The following TLE3 variants were observed in gnomAD, a reference collection of about 807,000 sequenced individuals.
TLE3 encodes the protein TLE family member 3, transcriptional corepressor, also known as transducin-like enhancer protein 3.
A neutral mutation model predicts 93.0 loss-of-function variants in TLE3; 14 were observed. The ratio of observed to expected loss-of-function variants is 0.15; its 90% CI spans 0.10 to 0.24. The LOEUF (loss-of-function observed/expected upper bound fraction) is 0.24, where lower values mean the gene tolerates loss of function less well. Among genes scored for constraint, TLE3 ranks in the 10% least tolerant of loss-of-function variants. The pLI is 1.00. For missense variants in TLE3, 693 were observed against 1,046.6 expected (o/e 0.66, Z 4.66); for synonymous variants, 451 against 425.0 (o/e 1.06, Z -0.75).
chr15:70,057,798 G>A, intron 12 of TLE3, 140 bp from the exon 13 acceptor site: 2 of 1,058,604 alleles, frequency 1.9e-6, no homozygotes, highest in South Asian at 1.6e-5. Flanking sequence ...CACCCAAGTG[G>A]GATCCCTGCC....
At chr15:70,076,073 G>T (rs780944786) in intron 5 of TLE3, 23 bp downstream of exon 5, 2 of 1,612,060 alleles carry the variant, frequency 1.2e-6, no homozygotes, top group Non-Finnish European at 1.7e-6. Context: ...AGAAAAGGAA[G>T]AAATAATAAA....
intron 16 of TLE3, chr15:70,053,619 A>G (rs2055751613): frequency 2.6e-6 from 1 of 377,654 alleles, no homozygotes; most frequent in South Asian, 5.3e-5. Context: ...GGGGGAGGTG[A>G]AAAAGGGACC....
intron 4 of TLE3, among the ~76,000 whole-genome samples, chr15:70,084,059 T>G (rs118099720): frequency 6.6e-6 from 1 of 152,364 alleles, no homozygotes; most frequent in East Asian, 1.9e-4. Context: ...TTATATGATA[T>G]GCTCCTTCTC....
chr15:70,055,351 T>C, intron 14 of TLE3, 53 bp from the exon 15 acceptor site: 3 of 1,531,714 alleles, frequency 2.0e-6, no homozygotes, highest in Non-Finnish European at 2.6e-6. Flanking sequence ...CCCTCAGAGT[T>C]CCCATAGGCC....
Position 70,058,033 on chromosome 15 carries a change from G to A in TLE3, c.1051+126C>T. 1 of 1,448,636 alleles carries A rather than the reference G, an allele frequency of 6.9e-7. No individual in the cohort carries two copies. The allele number at this position is 1,448,636 out of a possible 1,614,324, so 89.7% of individuals were successfully genotyped here. A position where few individuals can be genotyped will look rare whatever the true frequency, so the allele number is the denominator to read the frequency against. On this transcript the variant is annotated intron_variant, in intron 12 of 19. Coordinates refer to ENST00000451782, the MANE Select transcript of TLE3 (RefSeq NM_001105192.3). The surrounding 1 kb of genome is among the most constrained non-coding windows in gnomAD (Gnocchi z 4.1). ...CTCAAATCTGACCGTGAAGTCCCCA[G>A]GGGCAGGCCCTGGGAGACACTGCCT...
chr15:70,049,691 A>G lies in TLE3; in HGVS notation c.*406T>C. 1 of 177,964 alleles carries G rather than the reference A, an allele frequency of 5.6e-6. No individual in the cohort carries two copies. The highest frequency in any genetic ancestry group is 1.2e-5 in the Non-Finnish European group (1 of 83,076). 11.0% of individuals were successfully genotyped at this position (177,964 alleles called of 1,614,324 possible). On this transcript the variant is annotated 3_prime_UTR_variant, in exon 20 of 20. Transcript: ENST00000451782. The stretch of plus-strand genomic sequence containing the variant: ...TGCACTGCACAATCGGCAAAGAGAG[A>G]CCCCCCCATCCCCCAGCACAACATT...
intron 6 of TLE3, 160 bp downstream of exon 6, chr15:70,074,373 C>G: frequency 2.4e-6 from 2 of 821,910 alleles, no homozygotes; most frequent in Non-Finnish European, 3.7e-6. Context: ...GGAAACAGCC[C>G]TACATGGGTC....
At chr15:70,071,494 C>T (rs2057157405) in intron 6 of TLE3, among the ~76,000 whole-genome samples, 1 of 152,136 alleles carries the variant, frequency 6.6e-6, no homozygotes, top group Non-Finnish European at 1.5e-5. Context: ...TACTCTAATC[C>T]TCATGATAAA....
Position 70,096,710 on chromosome 15 carries a change from A to G in TLE3, c.24+65T>C, listed in dbSNP as rs557905539. 1.0e-5 allele frequency: 16 copies of G among 1,597,372 alleles called. No individual in the cohort carries two copies. The African/African-American group carries it at 1.6e-4, about 16-fold the overall frequency. ...TAGCAACAAGCAAAATGGAGGTGCC[A>G]GATAAACTGCCTCGTTTACCCTGCC... On this transcript the variant is annotated intron_variant, in intron 1 of 19. Transcript: ENST00000451782.
At chr15:70,081,905 T>C (rs560277318) in intron 4 of TLE3, among the ~76,000 whole-genome samples, 2 of 152,236 alleles carry the variant, frequency 1.3e-5, no homozygotes, top group South Asian at 4.1e-4. Context: ...CTCTAGAAAA[T>C]GTGTGTGTTT....
intron 13 of TLE3, among the ~76,000 whole-genome samples, 177 bp downstream of exon 13, chr15:70,057,282 C>T (rs551210027): frequency 4.6e-5 from 7 of 152,332 alleles, no homozygotes; most frequent in Admixed American, 6.5e-5. Flanking sequence ...CTGCTGGCCC[C>T]AAAGAGTGTA....
chr15:70,060,829 CCT>C (rs900316909), intron 8 of TLE3, 180 bp from the exon 9 acceptor site: 1 of 1,006,920 alleles, frequency 9.9e-7, no homozygotes, highest in Non-Finnish European at 1.5e-6. Context: ...TCCCCACTCC[CCT>C]GAGACTGAGT....
intron 6 of TLE3, among the ~76,000 whole-genome samples, chr15:70,074,182 G>A (rs2057325210): frequency 6.6e-6 from 1 of 152,270 alleles, no homozygotes; most frequent in African/African-American, 2.4e-5. Context: ...GTAAGTGTGA[G>A]GAGGTGGCCA....
At chr15:70,051,582 T>G in intron 18 of TLE3, 115 bp from the exon 19 acceptor site, 1 of 591,306 alleles carries the variant, frequency 1.7e-6, no homozygotes, top group Non-Finnish European at 2.5e-6. Flanking sequence ...CTAACTAGTA[T>G]AACTCTCCAA....
At chr15:70,075,781 C>T (rs1175187985) in intron 5 of TLE3, among the ~76,000 whole-genome samples, 2 of 152,128 alleles carry the variant, frequency 1.3e-5, no homozygotes, top group Non-Finnish European at 2.9e-5. Flanking sequence ...GCTGGGGATG[C>T]TAGTTTGGAT....
At chr15:70,070,669 C>G (rs957441811) in intron 6 of TLE3, among the ~76,000 whole-genome samples, 3 of 152,170 alleles carry the variant, frequency 2.0e-5, no homozygotes, top group African/African-American at 7.2e-5. Context: ...GGTGAACAGG[C>G]TCGGGAGGCT....
chr15:70,095,319 G>T, intron 3 of TLE3: 1 of 1,378,822 alleles, frequency 7.3e-7, no homozygotes. Context: ...CAAATTAAAG[G>T]CACATAAAGA....
intron 8 of TLE3, among the ~76,000 whole-genome samples, chr15:70,063,529 A>C (rs879383164): frequency 7.9e-5 from 12 of 152,192 alleles, no homozygotes; most frequent in Non-Finnish European, 1.8e-4. Flanking sequence ...GATTGGAGAG[A>C]GCTGCGCAAG....
At position 70,056,147 on chromosome 15, in the gene TLE3, C is replaced by T. The variant is rs145389920; in HGVS notation, c.1328+151G>A. 2.4e-4 allele frequency: 205 copies of T among 843,422 alleles called. 1 individual carries two copies. The East Asian group carries it at 4.7e-3, about 19-fold the overall frequency. The allele number at this position is 843,422 out of a possible 1,614,324, so 52.2% of individuals were successfully genotyped here. A position where few individuals can be genotyped will look rare whatever the true frequency, so the allele number is the denominator to read the frequency against. On this transcript the variant is annotated intron_variant, in intron 14 of 19. Transcript: ENST00000451782. ...GTTTCCTGGGGTTGCAACCAGCCCTCGGTGCCTCTAGAGGGACAGATACCT... is the reference window on the plus strand; with the variant it reads ...GTTTCCTGGGGTTGCAACCAGCCCTTGGTGCCTCTAGAGGGACAGATACCT...
Sources: gnomAD v4.1 joint callset for allele counts (sites outside exome capture counted in the v4.1 genomes callset) on GRCh38, gnomAD v4.1.1 for gene constraint, Gnocchi (gnomAD v3.1) non-coding constraint, MANE v1.5 for transcripts, NCBI Gene and HGNC (gene_info 2026-07-23, HGNC 2026-07-21) for gene names.